Variants in CTTNBP2 observed in about 807,000 individuals in gnomAD.
CTTNBP2 encodes cortactin binding protein 2.
Under a neutral mutation model 156.9 loss-of-function variants are expected in CTTNBP2, and 108 were observed. The ratio of observed to expected loss-of-function variants is 0.69; its 90% CI spans 0.59 to 0.81. The LOEUF (loss-of-function observed/expected upper bound fraction) is 0.81, where lower values mean the gene tolerates loss of function less well. Among genes scored for constraint, CTTNBP2 ranks in the 30% least tolerant of loss-of-function variants. The pLI is 0.00. For missense variants in CTTNBP2, 1,924 were observed against 2,035.4 expected (o/e 0.95, Z 1.05); for synonymous variants, 767 against 751.8 (o/e 1.02, Z -0.33).
chr7:117,842,272 C>G (rs1336646842), intron 2 of CTTNBP2, among the ~76,000 whole-genome samples: 1 of 152,148 alleles, frequency 6.6e-6, no homozygotes, highest in Non-Finnish European at 1.5e-5. Flanking sequence ...GCGATCCCGG[C>G]TCACTACAAT....
At chr7:117,766,914 CACTT>C in intron 9 of CTTNBP2, 141 bp downstream of exon 9, 1 of 603,142 alleles carries the variant, frequency 1.7e-6, no homozygotes. Flanking sequence ...TTAATTATCA[CACTT>C]ACAGTCAGTA....
At chr7:117,721,037 CTG>C (rs1265651079) in intron 20 of CTTNBP2, 28 bp downstream of exon 20, 4 of 1,369,880 alleles carry the variant, frequency 2.9e-6, no homozygotes, top group East Asian at 2.3e-5. Flanking sequence ...TCTTTGTTTG[CTG>C]TGAGTTAAAT....
chr7:117,768,581 A>AAAAGAAAC (rs1554419710), intron 8 of CTTNBP2, among the ~76,000 whole-genome samples: 1 of 99,112 alleles, frequency 1.0e-5, no homozygotes, highest in Non-Finnish European at 1.8e-5. Context: ...AAAAAAAAAA[A>AAAAGAAAC]AAAGAAAGAA....
chr7:117,806,912 C>T (rs1429438441), intron 3 of CTTNBP2, among the ~76,000 whole-genome samples: 2 of 152,144 alleles, frequency 1.3e-5, no homozygotes, highest in East Asian at 1.9e-4. Flanking sequence ...GTGCATGCCA[C>T]CACACCTGAC....
intron 14 of CTTNBP2, among the ~76,000 whole-genome samples, chr7:117,744,728 TAC>T (rs34300258): frequency 0.43 from 65,697 of 151,172 alleles, 18,395 homozygotes; most frequent in African/African-American, 0.79. Context: ...CTACAAAAAA[TAC>T]ACACACACAC....
chr7:117,817,361 A>AATATATATATATATATATAT (rs59036381), intron 2 of CTTNBP2, among the ~76,000 whole-genome samples: 1 of 53,298 alleles, frequency 1.9e-5, no homozygotes, highest in Non-Finnish European at 3.4e-5. Context: ...AAAAAAAAAA[A>AATATATATATATATATATAT]ATATATATAT....
chr7:117,860,585 C>T (rs185092438), intron 2 of CTTNBP2, among the ~76,000 whole-genome samples: 2 of 152,118 alleles, frequency 1.3e-5, no homozygotes, highest in East Asian at 1.9e-4. Flanking sequence ...CCTCATGATC[C>T]GCCCACCTCG....
chr7:117,776,843 T>C (rs1298726451), intron 8 of CTTNBP2, among the ~76,000 whole-genome samples: 1 of 152,218 alleles, frequency 6.6e-6, no homozygotes, highest in Admixed American at 6.5e-5. Context: ...TCACTTGCCA[T>C]TGAACTAGGA....
At chr7:117,728,407 G>T in intron 16 of CTTNBP2, 140 bp from the exon 17 acceptor site, 2 of 647,688 alleles carry the variant, frequency 3.1e-6, no homozygotes, top group Non-Finnish European at 5.3e-6. Flanking sequence ...GATGGCTGAA[G>T]GAGGGATAAT....
At chr7:117,852,811 C>T (rs968072905) in intron 2 of CTTNBP2, among the ~76,000 whole-genome samples, 2 of 152,054 alleles carry the variant, frequency 1.3e-5, no homozygotes, top group African/African-American at 4.8e-5. Flanking sequence ...ATGGTCTGAG[C>T]CCTCGTAGCA....
In CTTNBP2 at chr7:117,791,315, G is replaced by A. The variant is rs925984375; in HGVS notation, c.1881C>T (p.Ala627=). Reference sequence around the variant, plus strand: ...CCTGAGACGTGGCCAGGGCTGAAACGGCACAGCCTGCAGGTGCCACAGTTA... The same window carrying A: ...CCTGAGACGTGGCCAGGGCTGAAACAGCACAGCCTGCAGGTGCCACAGTTA... ...IDLTVAPAGC[A]VSALATSQVG... The change falls in exon 4 of 23, where the codon GCC becomes GCT. Residue 627 remains alanine, a synonymous_variant. Transcript: ENST00000160373. 8.7e-6 allele frequency: 14 copies of A among 1,614,036 alleles called. No individual in the cohort carries two copies. The highest frequency in any genetic ancestry group is 6.7e-5 in the East Asian group (3 of 44,886).
At position 117,810,808 on chromosome 7, in the gene CTTNBP2, C is replaced by T. The variant is rs1454201901; in HGVS notation, c.371G>A (p.Arg124Lys). 9.3e-6 allele frequency: 15 copies of T among 1,613,770 alleles called. No homozygotes were observed. Among genetic ancestry groups the T allele is most frequent in the African/African-American group, 1.3e-5 (1 of 74,916 alleles). Residue 124 changes from arginine (R) to lysine (K), a missense_variant, in exon 3 of 23, where the codon AGG becomes AAG. Transcript: ENST00000160373. ...AGCAGCAGCCAGCTGTGCGGACATC[C>T]TTTCTTGCATTTTCTTGCAGTGGGC... The part of the protein sequence containing the change: ...VMAHCKKMQE[R>K]MSAQLAAAES...
chr7:117,855,185 G>C (rs1803214313), intron 2 of CTTNBP2, among the ~76,000 whole-genome samples: 1 of 152,078 alleles, frequency 6.6e-6, no homozygotes, highest in South Asian at 2.1e-4. Flanking sequence ...AGAGGATGGG[G>C]GTCAACAAGC....
At position 117,791,211 on chromosome 7, in the gene CTTNBP2, A is replaced by G. The variant is rs765681195; in HGVS notation, c.1985T>C (p.Ile662Thr). 7.4e-6 allele frequency: 12 copies of G among 1,613,990 alleles called. No homozygotes were observed. Among genetic ancestry groups the G allele is most frequent in the East Asian group, 2.2e-5 (1 of 44,882 alleles). The change falls in exon 4 of 23, where the codon ATT (isoleucine) becomes ACT (threonine). Residue 662 changes from isoleucine to threonine, a missense_variant. Transcript: ENST00000160373. ...SDSSLVIPTT[I>T]AFCSSINPVS... is the part of the protein sequence containing the mutation. ...GGGGTTTATGGAAGAGCAAAAGGCA[A>G]TGGTGGTAGGAATGACAAGGGAACT...
chr7:117,715,683 CT>C (rs748067179), intron 22 of CTTNBP2: 11 of 152,302 alleles, frequency 7.2e-5, no homozygotes, highest in South Asian at 4.2e-4. Context: ...ATTACTCTCC[CT>C]TACTGTTAGA....
intron 22 of CTTNBP2, among the ~76,000 whole-genome samples, chr7:117,716,992 T>G (rs376307202): frequency 6.6e-6 from 1 of 152,308 alleles, no homozygotes; most frequent in Admixed American, 6.5e-5. Context: ...GCCGTTCTCA[T>G]CTACTCCCAA....
intron 2 of CTTNBP2, among the ~76,000 whole-genome samples, chr7:117,857,648 T>A (rs1803418686): frequency 6.6e-6 from 1 of 152,112 alleles, no homozygotes; most frequent in African/African-American, 2.4e-5. Flanking sequence ...ATATATTAAG[T>A]TCAAAACTAT....
chr7:117,857,857 C>T (rs1306696539), intron 2 of CTTNBP2, among the ~76,000 whole-genome samples: 1 of 152,086 alleles, frequency 6.6e-6, no homozygotes, highest in Non-Finnish European at 1.5e-5. Context: ...CTTTCTGGGG[C>T]ATTAGTCACT....
At chr7:117,793,233 C>T (rs1799134251) in intron 3 of CTTNBP2, among the ~76,000 whole-genome samples, 1 of 152,108 alleles carries the variant, frequency 6.6e-6, no homozygotes, top group Admixed American at 6.5e-5. Flanking sequence ...AATTCTAAGC[C>T]CCCATGTTTG....
Sources: allele counts gnomAD v4.1 joint callset (sites outside exome capture counted in the v4.1 genomes callset), GRCh38; gene constraint gnomAD v4.1.1; transcripts MANE v1.5; gene names NCBI Gene and HGNC (gene_info 2026-07-23, HGNC 2026-07-21).